Variants in ZNF827 observed in about 807,000 individuals in gnomAD.
ZNF827 encodes zinc finger protein 827.
In ZNF827, 13 loss-of-function variants were observed where a neutral mutation model predicts 102.4. The observed-to-expected ratio is 0.13, with a 90% CI of 0.08 to 0.20. The LOEUF (loss-of-function observed/expected upper bound fraction) is 0.20. ZNF827 is among the 10% of genes least tolerant of loss of function. The pLI, the probability that ZNF827 is intolerant of heterozygous loss-of-function variation, is 1.00. For missense variants in ZNF827, 1,103 were observed against 1,344.4 expected, an observed-to-expected ratio of 0.82 and a Z score of 2.81; for synonymous variants, 523 against 536.2, an observed-to-expected ratio of 0.98 and a Z score of 0.34.
In ZNF827 at chr4:145,760,761, T is replaced by G; in HGVS notation, c.*855A>C. On this transcript the variant is annotated 3_prime_UTR_variant, in exon 15 of 15. Transcript: ENST00000508784. ...TTGTCTTTTGTCTCTCTGTTTTTGG[T>G]ACAGAACATGGCTGCCCTCAGACAG... The G allele has an allele frequency of 2.0e-6, 2 of 976,042 alleles. No individual in the cohort carries two copies. The highest frequency in any genetic ancestry group is 2.5e-6 in the Non-Finnish European group (2 of 803,992). 60.5% of individuals were successfully genotyped at this position (976,042 alleles called of 1,614,324 possible). A position where few individuals can be genotyped will look rare whatever the true frequency, so the allele number is the denominator to read the frequency against.
At chr4:145,779,030 C>T (rs1443077255) in intron 9 of ZNF827, among the ~76,000 whole-genome samples, 1 of 152,150 alleles carries the variant, frequency 6.6e-6, no homozygotes, top group Admixed American at 6.6e-5. Context: ...CTCCCACCCA[C>T]AACAATAAGA....
At chr4:145,823,549 A>G (rs1465925722) in intron 7 of ZNF827, 24 bp from the exon 8 acceptor site, 1 of 1,546,646 alleles carries the variant, frequency 6.5e-7, no homozygotes, top group East Asian at 2.2e-5. Flanking sequence ...GGGGGAGTGA[A>G]GTTTAGTAAA....
rs1163174349 is a variant in ZNF827, at chr4:145,916,442, T to C, written c.44-13227A>G. Among the ~76,000 whole-genome samples the C allele has an allele frequency of 2.0e-5, 3 of 152,124 alleles. 1 individual carries two copies. The highest frequency in any genetic ancestry group is 4.4e-5 in the Non-Finnish European group (3 of 68,018). On this transcript the variant is annotated intron_variant, in intron 1 of 14. Coordinates refer to ENST00000508784, the MANE Select transcript of ZNF827 (RefSeq NM_001306215.2). ...GCAGCCCTAGGCAGCAAGCCCAGTGTCTCAAGGGCACCCGAGGACTCTCTT... is the reference window on the plus strand; with the variant it reads ...GCAGCCCTAGGCAGCAAGCCCAGTGCCTCAAGGGCACCCGAGGACTCTCTT...
rs76702901 is a variant in ZNF827 at position 145,773,858 on chromosome 4, C to T, written c.2860+648G>A. Among the ~76,000 whole-genome samples the T allele has an allele frequency of 9.8e-3, 1,491 of 152,186 alleles. 24 individuals carry two copies. Among genetic ancestry groups the T allele is most frequent in the African/African-American group, 0.034 (1,403 of 41,518 alleles). ...TTTCACTGGAGAGGAACAGAGCCTA[C>T]AGAAGTAGGTGTGTAGTGCCCTGGC... On this transcript the variant is annotated intron_variant, in intron 11 of 14. Transcript: ENST00000508784.
intron 7 of ZNF827, among the ~76,000 whole-genome samples, chr4:145,827,445 G>A (rs1348477332): frequency 2.6e-5 from 4 of 151,978 alleles, no homozygotes; most frequent in African/African-American, 9.7e-5. Context: ...GTTAAGATAT[G>A]CCCCAATTTC....
intron 5 of ZNF827, among the ~76,000 whole-genome samples, chr4:145,862,940 A>G (rs1365376815): frequency 6.6e-6 from 1 of 152,234 alleles, no homozygotes; most frequent in East Asian, 1.9e-4. Flanking sequence ...AAATAATATC[A>G]TTAAGAAAAC....
chr4:145,823,555 G>A (rs767944638), intron 7 of ZNF827, 30 bp from the exon 8 acceptor site: 18 of 1,501,262 alleles, frequency 1.2e-5, no homozygotes, highest in Non-Finnish European at 1.7e-5. Context: ...GTGAAGTTTA[G>A]TAAATTAAAG....
intron 1 of ZNF827, among the ~76,000 whole-genome samples, chr4:145,933,797 A>AC (rs1554014293): frequency 2.0e-5 from 3 of 151,530 alleles, no homozygotes; most frequent in Non-Finnish European, 4.4e-5. Flanking sequence ...GAAAAAAAAA[A>AC]AAACAAAAAA....
rs62345780 is a variant in ZNF827 at position 145,761,181 on chromosome 4, G to C, written c.*435C>G. On this transcript the variant is annotated 3_prime_UTR_variant, in exon 15 of 15. Transcript: ENST00000508784. This position sits in a 1 kb window ranked among gnomAD's most constrained non-coding sequence, Gnocchi z 6.8. ...GACACAGGCCCTTCTTGTCCTCCTC[G>C]GGGCAGTCCCCACTCTGGTGCTTCT... The C allele has an allele frequency of 7.8e-7, 1 of 1,289,810 alleles. No homozygotes were observed. Among genetic ancestry groups the C allele is most frequent in the East Asian group, 5.6e-5 (1 of 18,012 alleles). 79.9% of individuals were successfully genotyped at this position (1,289,810 alleles called of 1,614,324 possible).
intron 1 of ZNF827, among the ~76,000 whole-genome samples, chr4:145,933,830 C>T (rs1753977523): frequency 1.3e-5 from 2 of 151,830 alleles, no homozygotes; most frequent in African/African-American, 4.8e-5. Context: ...CCTTCCTCAT[C>T]CTTTCCCTCT....
chr4:145,888,590 C>A (rs1222118007), intron 3 of ZNF827, among the ~76,000 whole-genome samples: 1 of 152,186 alleles, frequency 6.6e-6, no homozygotes, highest in Non-Finnish European at 1.5e-5. Context: ...TACTCCATCC[C>A]CCACTAGGGG....
intron 13 of ZNF827, 169 bp downstream of exon 13, chr4:145,764,819 G>A: frequency 1.2e-6 from 1 of 832,792 alleles, no homozygotes; most frequent in Non-Finnish European, 2.0e-6. Context: ...TAGGGGGACA[G>A]GTCTAATTCA....
At chr4:145,826,207 GACCTTTGGACAATCAATA>G (rs1415113511) in intron 7 of ZNF827, among the ~76,000 whole-genome samples, 1 of 152,174 alleles carries the variant, frequency 6.6e-6, no homozygotes, top group African/African-American at 2.4e-5. Flanking sequence ...ATAGTTAAGG[GACCTTTGGACAATCAATA>G]ACCCCTCTAG....
At chr4:145,802,160 TA>T (rs532108405) in intron 8 of ZNF827, among the ~76,000 whole-genome samples, 1 of 152,180 alleles carries the variant, frequency 6.6e-6, no homozygotes, top group Non-Finnish European at 1.5e-5. Flanking sequence ...ATGCAGAATT[TA>T]AAAAATTTCT....
chr4:145,774,568 G>T lies in ZNF827; in HGVS notation c.2798C>A (p.Ala933Asp). Reference protein sequence around the residue: ...EQWMFSICCTACDFVTMEEAE... With the variant: ...EQWMFSICCTDCDFVTMEEAE... The stretch of plus-strand genomic sequence containing the variant: ...TTCCTCCATGGTGACGAAGTCGCAG[G>T]CAGTGCAGCAGATCGAAAACATCCA... The change falls in exon 11 of 15, where the codon GCC (alanine) becomes GAC (aspartate). Residue 933 changes from alanine (A) to aspartate (D), a missense_variant. Physicochemically the swap from Ala to Asp is moderately radical, Grantham distance 126. This residue lies in a region of ZNF827 where 242 missense variants were observed against 361.9 expected (regional missense o/e 0.67). Transcript: ENST00000508784. 1 of 1,613,138 alleles carries T rather than the reference G, an allele frequency of 6.2e-7. No homozygotes were observed. Among genetic ancestry groups the T allele is most frequent in the Non-Finnish European group, 8.5e-7 (1 of 1,179,652 alleles).
chr4:145,860,418 G>C (rs147822146), intron 5 of ZNF827, among the ~76,000 whole-genome samples: 2,045 of 152,296 alleles, frequency 0.013, 25 homozygotes, highest in Non-Finnish European at 0.02. Context: ...TATGTTTAGG[G>C]CAAGGGTGGG....
intron 1 of ZNF827, among the ~76,000 whole-genome samples, chr4:145,923,642 C>G (rs549478827): frequency 1.3e-5 from 2 of 152,006 alleles, no homozygotes; most frequent in African/African-American, 4.8e-5. Flanking sequence ...AGGAGACTCT[C>G]GTTGTCTTCT....
intron 5 of ZNF827, among the ~76,000 whole-genome samples, chr4:145,853,016 T>C (rs1746689429): frequency 6.6e-6 from 1 of 152,238 alleles, no homozygotes; most frequent in African/African-American, 2.4e-5. Context: ...CCATCCTGGT[T>C]GAAAACCACG....
intron 6 of ZNF827, among the ~76,000 whole-genome samples, chr4:145,846,488 AC>A (rs1745958382): frequency 7.0e-6 from 1 of 143,748 alleles, no homozygotes; most frequent in African/African-American, 2.7e-5. Context: ...AAACAAACAA[AC>A]AAACAAAAAA....
Sources: allele counts gnomAD v4.1 joint callset (sites outside exome capture counted in the v4.1 genomes callset), GRCh38; gene constraint gnomAD v4.1.1; regional missense constraint gnomAD v4.1.1; non-coding constraint Gnocchi (gnomAD v3.1); transcripts MANE v1.5; gene names NCBI Gene and HGNC (gene_info 2026-07-23, HGNC 2026-07-21).